HECTD2: variants seen among roughly 807,000 people sequenced by gnomAD.
HECTD2 encodes the protein HECT domain E3 ubiquitin protein ligase 2.
A neutral mutation model predicts 103.2 loss-of-function variants in HECTD2; 35 were observed. The observed-to-expected ratio is 0.34, with a 90% CI of 0.26 to 0.45. The LOEUF (loss-of-function observed/expected upper bound fraction) is 0.45, where lower values mean the gene tolerates loss of function less well. HECTD2 is among the 20% of genes least tolerant of loss of function. HECTD2 has a pLI of 1.00. For synonymous variants in HECTD2, 281 were observed against 329.9 expected, an observed-to-expected ratio of 0.85 and a Z score of 1.61; for missense variants, 596 against 937.4, an observed-to-expected ratio of 0.64 and a Z score of 4.76.
Position 91,512,488 on chromosome 10 carries a change from C to A in HECTD2, c.*104C>A. On this transcript the variant is annotated 3_prime_UTR_variant, in exon 21 of 21. Coordinates refer to ENST00000298068, the MANE Select transcript of HECTD2 (RefSeq NM_182765.6). ...TGTCTCAAAACACTTTGACAAAGCTCACCAACTTTAAAATATTAAGTTTTT... is the reference window on the plus strand; with the variant it reads ...TGTCTCAAAACACTTTGACAAAGCTAACCAACTTTAAAATATTAAGTTTTT... 1 of 1,039,930 alleles carries A rather than the reference C, an allele frequency of 9.6e-7. No individual in the cohort carries two copies. 64.4% of individuals were successfully genotyped at this position (1,039,930 alleles called of 1,614,324 possible).
At position 91,513,745 on chromosome 10, in the gene HECTD2, A is replaced by ATACTT. The variant is rs1442203155; in HGVS notation, c.*1363_*1367dup. On this transcript the variant is annotated 3_prime_UTR_variant, in exon 21 of 21. Transcript: ENST00000298068. The stretch of plus-strand genomic sequence containing the variant: ...CCAGCATATGGTTCATATGCAAATA[A>ATACTT]TACTTTCCCCAAAATCTTTCTGGGC... 1.3e-5 allele frequency: 2 copies of ATACTT among 152,602 alleles called. No homozygotes were observed. Among genetic ancestry groups the ATACTT allele is most frequent in the Admixed American group, 1.3e-4 (2 of 15,260 alleles). 9.5% of individuals were successfully genotyped at this position (152,602 alleles called of 1,614,324 possible).
In HECTD2 at chr10:91,491,205, T is replaced by A. The variant is rs1438005870; in HGVS notation, c.1197T>A (p.Ser399Arg). Residue 399 changes from serine (S) to arginine (R), a missense_variant, in exon 12 of 21, where the codon AGT becomes AGA. Ser to Arg is a moderately radical substitution (Grantham distance 110). Coordinates refer to ENST00000298068, the MANE Select transcript of HECTD2 (RefSeq NM_182765.6). ...EQQMINIARQSLVDKVSRRQR... is the reference protein window; with the variant it reads ...EQQMINIARQRLVDKVSRRQR... Reference sequence around the variant, plus strand: ...TTACTTTCTTATTTAATCAGCAAAGTCTGGTGGATAAAGTATCTCGAAGAC... The same window carrying A: ...TTACTTTCTTATTTAATCAGCAAAGACTGGTGGATAAAGTATCTCGAAGAC... The A allele has an allele frequency of 6.6e-7, 1 of 1,525,522 alleles. No individual in the cohort carries two copies. The highest frequency in any genetic ancestry group is 9.0e-7 in the Non-Finnish European group (1 of 1,105,988). The allele number at this position is 1,525,522 out of a possible 1,614,324, so 94.5% of individuals were successfully genotyped here.
intron 15 of HECTD2, 52 bp from the exon 16 acceptor site, chr10:91,498,056 C>A: frequency 1.6e-6 from 2 of 1,222,390 alleles, no homozygotes; most frequent in South Asian, 2.4e-5. Flanking sequence ...ACTTCATTAT[C>A]CTAGCTAATG....
intron 5 of HECTD2, among the ~76,000 whole-genome samples, chr10:91,476,431 G>A (rs371423104): frequency 2.0e-5 from 3 of 152,230 alleles, no homozygotes; most frequent in East Asian, 3.9e-4. Context: ...ATCATGACAC[G>A]GACCCCCACG....
chr10:91,436,606 C>T (rs1213116401), intron 2 of HECTD2, among the ~76,000 whole-genome samples: 2 of 151,956 alleles, frequency 1.3e-5, no homozygotes, highest in Admixed American at 1.3e-4. Context: ...ATAGGAATTT[C>T]CAGACTTTTG....
chr10:91,505,449 CAAAA>C (rs1055768990), intron 20 of HECTD2, among the ~76,000 whole-genome samples: 74 of 151,236 alleles, frequency 4.9e-4, no homozygotes, highest in African/African-American at 1.6e-3. Context: ...AAATGGAAAA[CAAAA>C]AAAGGCAGGG....
chr10:91,490,889 T>G (rs890117749), intron 11 of HECTD2, among the ~76,000 whole-genome samples: 4 of 24,518 alleles, frequency 1.6e-4, no homozygotes, highest in African/African-American at 1.1e-3. Context: ...AGACTCCGTC[T>G]CAAAAAAAAA....
intron 2 of HECTD2, among the ~76,000 whole-genome samples, chr10:91,457,025 AAAT>A (rs1319650164): frequency 1.3e-5 from 2 of 152,090 alleles, no homozygotes; most frequent in East Asian, 3.9e-4. Context: ...ACATCAGAAA[AAAT>A]AATAAGGGAA....
chr10:91,506,797 C>A (rs1486594558), intron 20 of HECTD2, among the ~76,000 whole-genome samples: 1 of 151,848 alleles, frequency 6.6e-6, no homozygotes, highest in East Asian at 1.9e-4. Context: ...ATTCTGATAC[C>A]AAAGCCGGGC....
At chr10:91,492,153 T>A (rs1470260543) in intron 12 of HECTD2, among the ~76,000 whole-genome samples, 199 bp from the exon 13 acceptor site, 1 of 152,224 alleles carries the variant, frequency 6.6e-6, no homozygotes, top group Non-Finnish European at 1.5e-5. Flanking sequence ...ACCTCTCTAA[T>A]TCTGTTTCCT....
At chr10:91,478,027 T>C (rs1845970821) in intron 5 of HECTD2, among the ~76,000 whole-genome samples, 174 bp from the exon 6 acceptor site, 1 of 152,220 alleles carries the variant, frequency 6.6e-6, no homozygotes, top group Admixed American at 6.5e-5. Context: ...TGTAATCTTA[T>C]GTCATTGATG....
intron 1 of HECTD2, among the ~76,000 whole-genome samples, chr10:91,416,911 G>T (rs1843150248): frequency 6.6e-6 from 1 of 151,936 alleles, no homozygotes; most frequent in South Asian, 2.1e-4. Context: ...AACTCTTTGG[G>T]GCTGGTATAT....
At chr10:91,494,603 C>T (rs1846598280) in intron 14 of HECTD2, among the ~76,000 whole-genome samples, 1 of 151,992 alleles carries the variant, frequency 6.6e-6, no homozygotes, top group South Asian at 2.1e-4. Context: ...ACAAACTACA[C>T]ATTAAGATAG....
intron 2 of HECTD2, among the ~76,000 whole-genome samples, chr10:91,445,252 A>C (rs1376250098): frequency 6.6e-6 from 1 of 152,152 alleles, no homozygotes; most frequent in Non-Finnish European, 1.5e-5. Context: ...GCCAGCACAG[A>C]TGGCAACAGC....
intron 2 of HECTD2, among the ~76,000 whole-genome samples, chr10:91,456,313 A>G (rs2133181853): frequency 6.6e-6 from 1 of 152,140 alleles, no homozygotes; most frequent in South Asian, 2.1e-4. Context: ...TTGGATTCCT[A>G]GGTATTTTAT....
At chr10:91,440,259 T>C (rs1392731482) in intron 2 of HECTD2, among the ~76,000 whole-genome samples, 1 of 152,142 alleles carries the variant, frequency 6.6e-6, no homozygotes, top group Non-Finnish European at 1.5e-5. Flanking sequence ...CATCAATACC[T>C]AGTTTATTGA....
intron 5 of HECTD2, among the ~76,000 whole-genome samples, chr10:91,472,067 C>T (rs1194019697): frequency 6.6e-6 from 1 of 152,154 alleles, no homozygotes; most frequent in African/African-American, 2.4e-5. Context: ...AACTATGCTA[C>T]AAGCCACAGC....
intron 2 of HECTD2, among the ~76,000 whole-genome samples, chr10:91,445,619 G>A (rs1019907515): frequency 1.5e-4 from 23 of 152,094 alleles, no homozygotes; most frequent in Non-Finnish European, 2.5e-4. Flanking sequence ...GAACAGCTCC[G>A]GTCTGCAGCT....
intron 6 of HECTD2, among the ~76,000 whole-genome samples, chr10:91,479,059 C>A (rs974759782): frequency 3.9e-5 from 6 of 152,052 alleles, no homozygotes; most frequent in Non-Finnish European, 7.4e-5. Flanking sequence ...ACTAAAAATA[C>A]AAAAATTAGC....
Sources: gnomAD v4.1 joint callset for allele counts (sites outside exome capture counted in the v4.1 genomes callset) on GRCh38, gnomAD v4.1.1 for gene constraint, MANE v1.5 for transcripts, NCBI Gene and HGNC (gene_info 2026-07-23, HGNC 2026-07-21) for gene names.